Variants in CPSF6 observed in about 807,000 individuals in gnomAD.
CPSF6 encodes the protein cleavage and polyadenylation specificity factor subunit 6.
CPSF6 carries 10 observed loss-of-function variants against 56.7 expected under a neutral mutation model. That is an observed-to-expected ratio of 0.18 (90% CI 0.11 to 0.30). CPSF6 has a LOEUF of 0.30. Ranked by LOEUF, CPSF6 falls within the 10% of genes least tolerant of loss-of-function variation. The pLI, the probability that CPSF6 is intolerant of heterozygous loss-of-function variation, is 1.00. For synonymous variants in CPSF6, 248 were observed against 244.8 expected, an observed-to-expected ratio of 1.01 and a Z score of -0.12; for missense variants, 419 against 722.9, an observed-to-expected ratio of 0.58 and a Z score of 4.82.
chr12:69,255,686 A>G (rs1269931928), intron 3 of CPSF6, among the ~76,000 whole-genome samples: 3 of 152,038 alleles, frequency 2.0e-5, no homozygotes, highest in Non-Finnish European at 4.4e-5. Context: ...CTACAGGCAC[A>G]CGCCACCATG....
chr12:69,250,543 C>G (rs1046079736), intron 1 of CPSF6, among the ~76,000 whole-genome samples: 2 of 134,250 alleles, frequency 1.5e-5, no homozygotes, highest in East Asian at 2.1e-4. Flanking sequence ...TGCTTGAACT[C>G]AGGAGTTCGA....
chr12:69,243,901 G>A lies in CPSF6; in HGVS notation c.60+4195G>A, dbSNP rs1164877152. Among the ~76,000 whole-genome samples, 5 of 152,260 alleles carry A rather than the reference G, an allele frequency of 3.3e-5. No individual in the cohort carries two copies. In the East Asian group the frequency reaches 9.7e-4, roughly 29 times the overall value. Reference sequence around the variant, plus strand: ...CAGTCTGGAGTGCGGTGGTGCAGTTGTGGCTCACTGCAGCCTTTATCTCCC... The same window carrying A: ...CAGTCTGGAGTGCGGTGGTGCAGTTATGGCTCACTGCAGCCTTTATCTCCC... On this transcript the variant is annotated intron_variant, in intron 1 of 9. Coordinates refer to ENST00000435070, the MANE Select transcript of CPSF6 (RefSeq NM_007007.3).
intron 1 of CPSF6, among the ~76,000 whole-genome samples, chr12:69,249,095 C>CA (rs896500188): frequency 3.7e-5 from 5 of 136,844 alleles, no homozygotes; most frequent in Non-Finnish European, 7.7e-5. Context: ...CCCATCTCTA[C>CA]AAAAAATACA....
In CPSF6 at chr12:69,258,279, A is replaced by T; in HGVS notation, c.695-311A>T. ...CTTTCTAGCTTGGCATCAGAGTAGAATATAAGGTGGGTGATTTCACTGTAA... is the reference window on the plus strand; with the variant it reads ...CTTTCTAGCTTGGCATCAGAGTAGATTATAAGGTGGGTGATTTCACTGTAA... On this transcript the variant is annotated intron_variant, in intron 5 of 9. Transcript: ENST00000435070. This position sits in a 1 kb window ranked among gnomAD's most constrained non-coding sequence, Gnocchi z 4.2. 2 of 635,004 alleles carry T rather than the reference A, an allele frequency of 3.1e-6. No individual in the cohort carries two copies. The highest frequency in any genetic ancestry group is 4.4e-5 in the South Asian group (2 of 45,922). 39.3% of individuals were successfully genotyped at this position (635,004 alleles called of 1,614,324 possible).
At chr12:69,261,957 A>G (rs1240734337) in intron 8 of CPSF6, among the ~76,000 whole-genome samples, 1 of 152,126 alleles carries the variant, frequency 6.6e-6, no homozygotes, top group Non-Finnish European at 1.5e-5. Flanking sequence ...TGTCATATTC[A>G]TGTATTTAAG....
intron 1 of CPSF6, among the ~76,000 whole-genome samples, chr12:69,243,186 T>C (rs1871713907): frequency 6.6e-6 from 1 of 152,216 alleles, no homozygotes; most frequent in Admixed American, 6.5e-5. Context: ...TCTCTACCCT[T>C]AGAGTACACT....
At chr12:69,246,704 C>T (rs1282808169) in intron 1 of CPSF6, among the ~76,000 whole-genome samples, 2 of 152,210 alleles carry the variant, frequency 1.3e-5, no homozygotes, top group East Asian at 3.9e-4. Flanking sequence ...TTTGTAAATG[C>T]AAAATGTAAC....
chr12:69,247,816 A>T (rs1295385155), intron 1 of CPSF6, among the ~76,000 whole-genome samples: 1 of 152,244 alleles, frequency 6.6e-6, no homozygotes, highest in Non-Finnish European at 1.5e-5. Flanking sequence ...GTTACTGATA[A>T]CTACAAAAGA....
chr12:69,256,785 G>A lies in CPSF6; in HGVS notation c.463G>A (p.Val155Ile), dbSNP rs779896231. ...PKRELHGQNPVVTPCNKQFLS... is the reference protein window; with the variant it reads ...PKRELHGQNPIVTPCNKQFLS... ...AAGAGAACTTCATGGTCAGAATCCT[G>A]TTGTAACTCCATGCAATAAACAGTT... The change falls in exon 4 of 10, where the codon GTT becomes ATT. Residue 155 changes from valine to isoleucine, a missense_variant. Val to Ile is a conservative substitution (Grantham distance 29, BLOSUM62 3). Around this residue, in one of 4 missense-constraint regions of CPSF6, gnomAD observed 125 missense variants for 216.4 expected, o/e 0.58. Coordinates refer to ENST00000435070, the MANE Select transcript of CPSF6 (RefSeq NM_007007.3). 1.2e-6 allele frequency: 2 copies of A among 1,613,868 alleles called. No homozygotes were observed. The highest frequency in any genetic ancestry group is 2.2e-5 in the East Asian group (1 of 44,864).
At position 69,257,405 on chromosome 12, in the gene CPSF6, G is replaced by A. The variant is rs572136038; in HGVS notation, c.521-327G>A. On this transcript the variant is annotated intron_variant, in intron 4 of 9. Coordinates refer to ENST00000435070, the MANE Select transcript of CPSF6 (RefSeq NM_007007.3). The stretch of plus-strand genomic sequence containing the variant: ...TAGCACTTAAGACTTAACTGAAGAA[G>A]TGTGTTACAAAATTTAAATGATGTA... Among the ~76,000 whole-genome samples, 169 of 152,336 alleles carry A rather than the reference G, an allele frequency of 1.1e-3. 2 individuals carry two copies. The highest frequency in any genetic ancestry group is 3.9e-3 in the African/African-American group (161 of 41,580).
chr12:69,252,311 T>A (rs1872288737), intron 2 of CPSF6: 1 of 300,738 alleles, frequency 3.3e-6, no homozygotes, highest in South Asian at 2.8e-5. Context: ...CTCAAATTCC[T>A]GGCCTCAAGT....
rs1315615260 is a variant in CPSF6, at chr12:69,270,003, AAT to A, written c.*498_*499del. The A allele has an allele frequency of 6.6e-6, 1 of 152,422 alleles. No individual in the cohort carries two copies. Among genetic ancestry groups the A allele is most frequent in the East Asian group, 1.9e-4 (1 of 5,196 alleles). 9.4% of individuals were successfully genotyped at this position (152,422 alleles called of 1,614,324 possible). On this transcript the variant is annotated 3_prime_UTR_variant, in exon 10 of 10. Coordinates refer to ENST00000435070, the MANE Select transcript of CPSF6 (RefSeq NM_007007.3). The stretch of plus-strand genomic sequence containing the variant: ...CCTCAGGGAAAGTCTTGTGTTCAGC[AAT>A]ATCTAAAGATAATGTTACTATGACA...
At chr12:69,263,358 T>G (rs1290809499) in intron 9 of CPSF6, among the ~76,000 whole-genome samples, 1 of 152,082 alleles carries the variant, frequency 6.6e-6, no homozygotes, top group African/African-American at 2.4e-5. Context: ...TTGTGTACAT[T>G]TTTCATGAAG....
rs1873310358 is a variant in CPSF6 at position 69,272,868 on chromosome 12, C to CTGTG, written c.*3360_*3361insTGTG. The CTGTG allele has an allele frequency of 7.6e-6, 1 of 131,980 alleles. No homozygotes were observed. The highest frequency in any genetic ancestry group is 2.3e-4 in the East Asian group (1 of 4,410). 8.2% of individuals were successfully genotyped at this position (131,980 alleles called of 1,614,324 possible). On this transcript the variant is annotated 3_prime_UTR_variant, in exon 10 of 10. Transcript: ENST00000435070. Reference sequence around the variant, plus strand: ...AAAGCATTCTATTTTTCTGTTCTTACAGTGTGTGTGTGTGTGTGTGTGTGT... The same window carrying CTGTG: ...AAAGCATTCTATTTTTCTGTTCTTACTGTGAGTGTGTGTGTGTGTGTGTGTGTGT...
At chr12:69,243,104 A>C (rs1445543336) in intron 1 of CPSF6, among the ~76,000 whole-genome samples, 1 of 151,950 alleles carries the variant, frequency 6.6e-6, no homozygotes, top group Non-Finnish European at 1.5e-5. Context: ...AAAAAAAAAG[A>C]TTGAATTGTT....
Position 69,262,548 on chromosome 12 carries a change from C to T in CPSF6, c.1645C>T (p.Arg549Cys), listed in dbSNP as rs1223225367. ...DRERDREREY[R>C]HR ...AGAGCGTGACCGAGAGCGCGAATAT[C>T]GTCATCGTTAGAAGGTGGGTATTCC... The change falls in exon 9 of 10, where the codon CGT (arginine) becomes TGT (cysteine). Residue 549 changes from arginine (R) to cysteine (C), a missense_variant. By Grantham distance (180) the Arg-to-Cys change is radical. Transcript: ENST00000435070. The T allele has an allele frequency of 1.9e-6, 3 of 1,612,294 alleles. No homozygotes were observed. Among genetic ancestry groups the T allele is most frequent in the East Asian group, 2.2e-5 (1 of 44,826 alleles).
At chr12:69,260,878 G>A (rs1301082056) in intron 8 of CPSF6, among the ~76,000 whole-genome samples, 4 of 152,122 alleles carry the variant, frequency 2.6e-5, no homozygotes, top group Non-Finnish European at 5.9e-5. Context: ...CTCCCAAAGT[G>A]TTGGGATGAT....
chr12:69,249,101 A>T (rs1173787586), intron 1 of CPSF6, among the ~76,000 whole-genome samples: 1 of 141,094 alleles, frequency 7.1e-6, no homozygotes, highest in African/African-American at 2.7e-5. Flanking sequence ...TCTACAAAAA[A>T]TACAAGAAAT....
chr12:69,251,533 G>C (rs138131018), intron 2 of CPSF6, among the ~76,000 whole-genome samples, 195 bp downstream of exon 2: 3 of 152,002 alleles, frequency 2.0e-5, no homozygotes, highest in African/African-American at 7.2e-5. Flanking sequence ...TTTGAGTTTT[G>C]TGGTCATTCA....
Sources: gnomAD v4.1 joint callset for allele counts (sites outside exome capture counted in the v4.1 genomes callset) on GRCh38, gnomAD v4.1.1 for gene constraint, gnomAD v4.1.1 regional missense constraint, Gnocchi (gnomAD v3.1) non-coding constraint, MANE v1.5 for transcripts, NCBI Gene and HGNC (gene_info 2026-07-23, HGNC 2026-07-21) for gene names.